The following VPS26A variants were observed in gnomAD, a reference collection of about 807,000 sequenced individuals.
VPS26A encodes the protein vacuolar protein sorting-associated protein 26A.
Under a neutral mutation model 42.4 loss-of-function variants are expected in VPS26A, and 22 were observed. The ratio of observed to expected loss-of-function variants is 0.52; its 90% CI spans 0.37 to 0.74. VPS26A has a LOEUF of 0.74. VPS26A is among the 30% of genes least tolerant of loss of function. The pLI, the probability that VPS26A is intolerant of heterozygous loss-of-function variation, is 0.00. For missense variants in VPS26A, 276 were observed against 379.2 expected (o/e 0.73, Z 2.26); for synonymous variants, 110 against 123.5 (o/e 0.89, Z 0.73).
At chr10:69,145,799 G>A (rs948703788) in intron 2 of VPS26A, among the ~76,000 whole-genome samples, 1 of 151,038 alleles carries the variant, frequency 6.6e-6, no homozygotes, top group Non-Finnish European at 1.5e-5. Context: ...AGTGTATAGT[G>A]ATTTTTACTA....
chr10:69,160,097 T>C (rs1841519337), intron 5 of VPS26A, among the ~76,000 whole-genome samples: 1 of 151,630 alleles, frequency 6.6e-6, no homozygotes, highest in East Asian at 1.9e-4. Context: ...CTGAAACCAC[T>C]GAAGCTTCCC....
At position 69,162,411 on chromosome 10, in the gene VPS26A, A is replaced by G; in HGVS notation, c.557A>G (p.His186Arg). 6.9e-7 allele frequency: 1 copy of G among 1,458,496 alleles called. No homozygotes were observed. The highest frequency in any genetic ancestry group is 9.5e-7 in the Non-Finnish European group (1 of 1,047,978). The allele number at this position is 1,458,496 out of a possible 1,614,324, so 90.3% of individuals were successfully genotyped here. ...GATATGTTCTTCCCCAATAGGTATCATTTAAAGGATGTGATTGTTGGAAAA... is the reference window on the plus strand; with the variant it reads ...GATATGTTCTTCCCCAATAGGTATCGTTTAAAGGATGTGATTGTTGGAAAA... The part of the protein sequence containing the change: ...IEFEYNKSKY[H>R]LKDVIVGKIY... The change falls in exon 6 of 9, where the codon CAT (histidine) becomes CGT (arginine). Residue 186 changes from histidine (H) to arginine (R), a missense_variant. Transcript: ENST00000263559.
intron 2 of VPS26A, among the ~76,000 whole-genome samples, chr10:69,136,392 G>A (rs1840910789): frequency 6.6e-6 from 1 of 151,640 alleles, no homozygotes; most frequent in South Asian, 2.1e-4. Flanking sequence ...AGCCTCCTGA[G>A]TAGCTGGGAT....
chr10:69,167,854 G>A (rs1841725729), intron 7 of VPS26A, among the ~76,000 whole-genome samples: 1 of 139,852 alleles, frequency 7.2e-6, no homozygotes, highest in Admixed American at 6.8e-5. Flanking sequence ...TCATCATTCT[G>A]TCCGTTTTTA....
chr10:69,152,529 G>A (rs201522516), intron 2 of VPS26A, among the ~76,000 whole-genome samples: 1 of 152,170 alleles, frequency 6.6e-6, no homozygotes, highest in South Asian at 2.1e-4. Context: ...ATAAGATAGG[G>A]AAGATACAGA....
At position 69,174,331 on chromosome 10, in the gene VPS26A, A is replaced by G. The variant is rs1337458364; in HGVS notation, c.*3062A>G. Among the ~76,000 whole-genome samples the G allele has an allele frequency of 2.0e-5, 3 of 152,212 alleles. No individual in the cohort carries two copies. The highest frequency in any genetic ancestry group is 7.2e-5 in the African/African-American group (3 of 41,456). ...ATGCCACTGCACTGTAGCTTGGGTG[A>G]CAGAGACACCATGTCTCAAAAATCT... On this transcript the variant is annotated 3_prime_UTR_variant, in exon 9 of 9. Coordinates refer to ENST00000263559, the MANE Select transcript of VPS26A (RefSeq NM_004896.5).
At chr10:69,142,963 G>A (rs1390467898) in intron 2 of VPS26A, among the ~76,000 whole-genome samples, 1 of 152,118 alleles carries the variant, frequency 6.6e-6, no homozygotes. Context: ...AATGAGAGAG[G>A]TTCTAGAATA....
chr10:69,155,918 C>T (rs1382395097), intron 3 of VPS26A, 31 bp downstream of exon 3: 1 of 1,519,854 alleles, frequency 6.6e-7, no homozygotes, highest in Non-Finnish European at 9.0e-7. Context: ...ATTTCTTTTT[C>T]TTTGATAACT....
intron 2 of VPS26A, among the ~76,000 whole-genome samples, chr10:69,152,640 G>A (rs977845549): frequency 6.6e-6 from 1 of 152,138 alleles, no homozygotes; most frequent in Non-Finnish European, 1.5e-5. Context: ...TTATTTGTAA[G>A]AAAAGCTTTT....
Position 69,152,190 on chromosome 10 carries a change from C to G in VPS26A, c.154-3622C>G, listed in dbSNP as rs188313810. 6.9e-3 allele frequency among the ~76,000 whole-genome samples: 1,051 copies of G among 152,180 alleles called. 10 individuals are homozygous for G. Among genetic ancestry groups the G allele is most frequent in the African/African-American group, 0.024 (995 of 41,496 alleles). On this transcript the variant is annotated intron_variant, in intron 2 of 8. Coordinates refer to ENST00000263559, the MANE Select transcript of VPS26A (RefSeq NM_004896.5). Reference sequence around the variant, plus strand: ...TGCCACTGCGCTCCAGCCTGGGTGACACAGCAAGACCCTGTCTACAAAAAA... The same window carrying G: ...TGCCACTGCGCTCCAGCCTGGGTGAGACAGCAAGACCCTGTCTACAAAAAA...
chr10:69,163,859 G>C (rs1307732520), intron 6 of VPS26A, among the ~76,000 whole-genome samples: 1 of 149,810 alleles, frequency 6.7e-6, no homozygotes, highest in Non-Finnish European at 1.5e-5. Context: ...TCCGCCTCCA[G>C]GGTTCACGCC....
intron 2 of VPS26A, among the ~76,000 whole-genome samples, chr10:69,147,768 A>G (rs1589354183): frequency 6.6e-6 from 1 of 152,084 alleles, no homozygotes; most frequent in Admixed American, 6.6e-5. Context: ...GCTGGAGTGC[A>G]GTGGCACAAT....
At chr10:69,127,021 C>T (rs942030554) in intron 1 of VPS26A, among the ~76,000 whole-genome samples, 1 of 149,782 alleles carries the variant, frequency 6.7e-6, no homozygotes, top group Non-Finnish European at 1.5e-5. Flanking sequence ...TGCAGTGGCG[C>T]GATCTTGGCT....
In VPS26A at chr10:69,131,091, T is replaced by G. The variant is rs61707651; in HGVS notation, c.4-1807T>G. On this transcript the variant is annotated intron_variant, in intron 1 of 8. Coordinates refer to ENST00000263559, the MANE Select transcript of VPS26A (RefSeq NM_004896.5). ...ACCTCTGCCTTCTGGGTCCAGGTGA[T>G]TCTCCTGCCTCAGCCTCCCGAGTAG... Among the ~76,000 whole-genome samples the G allele has an allele frequency of 1.6e-3, 241 of 152,256 alleles. 1 individual carries two copies. The highest frequency in any genetic ancestry group is 5.5e-3 in the African/African-American group (227 of 41,532).
Position 69,136,686 on chromosome 10 carries a change from C to T in VPS26A, c.153+3639C>T, listed in dbSNP as rs138270809. On this transcript the variant is annotated intron_variant, in intron 2 of 8. Transcript: ENST00000263559. ...TTGTTTTTACTTATGAAATGGAATA[C>T]ATTTACAAAGAGACGTTATCTATAT... Among the ~76,000 whole-genome samples the T allele has an allele frequency of 2.9e-3, 436 of 152,230 alleles. 1 individual carries two copies. Among genetic ancestry groups the T allele is most frequent in the African/African-American group, 0.01 (431 of 41,536 alleles).
At position 69,124,291 on chromosome 10, in the gene VPS26A, G is replaced by A; in HGVS notation, c.3+11G>A. ...GCGGCGTTGACAATGGTGAGTGCGCGGCGGCCAGCGCGCTCGCCTCCCGCC... is the reference window on the plus strand; with the variant it reads ...GCGGCGTTGACAATGGTGAGTGCGCAGCGGCCAGCGCGCTCGCCTCCCGCC... On this transcript the variant is annotated intron_variant, in intron 1 of 8. Transcript: ENST00000263559. 2.4e-6 allele frequency: 3 copies of A among 1,258,390 alleles called. No individual in the cohort carries two copies. The highest frequency in any genetic ancestry group is 3.0e-6 in the Non-Finnish European group (3 of 996,062). The allele number at this position is 1,258,390 out of a possible 1,614,324, so 78.0% of individuals were successfully genotyped here.
chr10:69,156,013 A>G (rs1841422943), intron 3 of VPS26A, 126 bp downstream of exon 3: 1 of 680,380 alleles, frequency 1.5e-6, no homozygotes, highest in Admixed American at 2.9e-5. Flanking sequence ...TTTGCATAAT[A>G]AAAGAGAGGA....
At chr10:69,147,085 C>G (rs1424331377) in intron 2 of VPS26A, among the ~76,000 whole-genome samples, 1 of 152,148 alleles carries the variant, frequency 6.6e-6, no homozygotes, top group South Asian at 2.1e-4. Flanking sequence ...GCAACACTTA[C>G]TAATATGTCT....
intron 2 of VPS26A, 69 bp downstream of exon 2, chr10:69,133,116 C>A: frequency 6.7e-7 from 1 of 1,482,622 alleles, no homozygotes; most frequent in Non-Finnish European, 9.0e-7. Flanking sequence ...GTGGTCTGTG[C>A]TGTTTCTTAA....
Sources: allele counts gnomAD v4.1 joint callset (sites outside exome capture counted in the v4.1 genomes callset), GRCh38; gene constraint gnomAD v4.1.1; transcripts MANE v1.5; gene names NCBI Gene and HGNC (gene_info 2026-07-23, HGNC 2026-07-21).